The following CYTH3 variants were observed in gnomAD, a reference collection of about 807,000 sequenced individuals.
CYTH3 encodes the protein cytohesin-3.
Under a neutral mutation model 55.1 loss-of-function variants are expected in CYTH3, and 23 were observed. The ratio of observed to expected loss-of-function variants is 0.42; its 90% CI spans 0.30 to 0.59. The LOEUF (loss-of-function observed/expected upper bound fraction) is 0.59, where lower values mean the gene tolerates loss of function less well. CYTH3 is among the 20% of genes least tolerant of loss of function. The pLI is 0.20. For synonymous variants in CYTH3, 249 were observed against 194.9 expected (o/e 1.28, Z -2.31); for missense variants, 413 against 524.8 (o/e 0.79, Z 2.08).
chr7:6,191,305 A>C (rs1204996774), intron 1 of CYTH3, among the ~76,000 whole-genome samples: 3 of 152,016 alleles, frequency 2.0e-5, no homozygotes, highest in African/African-American at 7.2e-5. Context: ...ATAAATAAAT[A>C]AATAAATCAA....
In CYTH3 at chr7:6,164,794, T is replaced by G; in HGVS notation, c.*150A>C. ...GGACCCCAGCCACGGCACGAGGCCT[T>G]GGGGATACCACCTGGGCCACGGTAT... is the stretch of plus-strand genomic sequence containing the variant. On this transcript the variant is annotated 3_prime_UTR_variant, in exon 13 of 13. Coordinates refer to ENST00000350796, the MANE Select transcript of CYTH3 (RefSeq NM_004227.4). 8.1e-6 allele frequency: 7 copies of G among 863,346 alleles called. No individual in the cohort carries two copies. Among genetic ancestry groups the G allele is most frequent in the Non-Finnish European group, 1.3e-5 (7 of 531,320 alleles). 53.5% of individuals were successfully genotyped at this position (863,346 alleles called of 1,614,324 possible).
At position 6,165,021 on chromosome 7, in the gene CYTH3, T is replaced by C; in HGVS notation, c.1128-5A>G. 3 of 1,614,040 alleles carry C rather than the reference T, an allele frequency of 1.9e-6. No homozygotes were observed. Among genetic ancestry groups the C allele is most frequent in the Non-Finnish European group, 8.5e-7 (1 of 1,179,994 alleles). On this transcript the variant is annotated splice_polypyrimidine_tract_variant and splice_region_variant and intron_variant, in intron 12 of 12. Coordinates refer to ENST00000350796, the MANE Select transcript of CYTH3 (RefSeq NM_004227.4). ...GGATCTCTGCTGATACTGGCTCTGG[T>C]GAAAAAAGGAAAACACACAGGTTAG...
At chr7:6,191,325 C>T (rs754293537) in intron 1 of CYTH3, among the ~76,000 whole-genome samples, 5 of 152,040 alleles carry the variant, frequency 3.3e-5, no homozygotes, top group Admixed American at 2.6e-4. Context: ...ACATAGACAG[C>T]GCCCAGGAAA....
chr7:6,247,714 G>C (rs1404917592), intron 1 of CYTH3, among the ~76,000 whole-genome samples: 3 of 152,072 alleles, frequency 2.0e-5, no homozygotes, highest in African/African-American at 7.2e-5. Context: ...TACAATCACA[G>C]CTCACTGCAG....
intron 1 of CYTH3, among the ~76,000 whole-genome samples, chr7:6,239,656 G>C (rs1779621846): frequency 6.6e-6 from 1 of 152,130 alleles, no homozygotes; most frequent in African/African-American, 2.4e-5. Context: ...AAAACAGTAA[G>C]ATAATTTGCT....
At chr7:6,239,183 C>A (rs1033865052) in intron 1 of CYTH3, among the ~76,000 whole-genome samples, 1 of 152,176 alleles carries the variant, frequency 6.6e-6, no homozygotes, top group African/African-American at 2.4e-5. Flanking sequence ...CACTTTACTC[C>A]AGCCTGGGCA....
At position 6,240,095 on chromosome 7, in the gene CYTH3, C is replaced by A. The variant is rs572709955; in HGVS notation, c.34+32379G>T. 2.4e-3 allele frequency among the ~76,000 whole-genome samples: 360 copies of A among 152,120 alleles called. 2 individuals are homozygous for A. The highest frequency in any genetic ancestry group is 3.9e-3 in the Non-Finnish European group (266 of 68,006). Reference sequence around the variant, plus strand: ...CCAAGGCAGGTGGATCGCGTGAGGTCAGGAGTTCGAGACCAGCCTGGCCAA... The same window carrying A: ...CCAAGGCAGGTGGATCGCGTGAGGTAAGGAGTTCGAGACCAGCCTGGCCAA... On this transcript the variant is annotated intron_variant, in intron 1 of 12. Transcript: ENST00000350796.
At chr7:6,220,281 G>C (rs150738784) in intron 1 of CYTH3, among the ~76,000 whole-genome samples, 2,043 of 152,170 alleles carry the variant, frequency 0.013, 44 homozygotes, top group African/African-American at 0.047. Flanking sequence ...GCAGCAATTG[G>C]CTATTCATAG....
In CYTH3 at chr7:6,272,615, C is replaced by A. The variant is rs896049019; in HGVS notation, c.-108G>T. 4.6e-5 allele frequency: 40 copies of A among 863,434 alleles called. No individual in the cohort carries two copies. Among genetic ancestry groups the A allele is most frequent in the African/African-American group, 4.4e-4 (24 of 54,542 alleles). 53.5% of individuals were successfully genotyped at this position (863,434 alleles called of 1,614,324 possible). On this transcript the variant is annotated 5_prime_UTR_variant, in exon 1 of 13. Coordinates refer to ENST00000350796, the MANE Select transcript of CYTH3 (RefSeq NM_004227.4). ...CAGGCGACCGGGCGGCTCCTCAGCG[C>A]GCGGCCCGGGTCGCGGCCGGGCCTC... is the stretch of plus-strand genomic sequence containing the variant.
chr7:6,228,500 G>C (rs1195477814), intron 1 of CYTH3, among the ~76,000 whole-genome samples: 2 of 152,120 alleles, frequency 1.3e-5, no homozygotes, highest in Admixed American at 1.3e-4. Context: ...TAGGATTCAG[G>C]GGTCAGGCCA....
intron 1 of CYTH3, among the ~76,000 whole-genome samples, chr7:6,221,027 T>G (rs1202645680): frequency 6.6e-6 from 1 of 152,044 alleles, no homozygotes; most frequent in East Asian, 1.9e-4. Context: ...ACTTACCATG[T>G]GATCCAGCAA....
Position 6,162,350 on chromosome 7 carries a change from CTCTGTCTCTGGAAAAAAGTA to C in CYTH3, c.*2574_*2593del, listed in dbSNP as rs1260912233. On this transcript the variant is annotated 3_prime_UTR_variant, in exon 13 of 13. Coordinates refer to ENST00000350796, the MANE Select transcript of CYTH3 (RefSeq NM_004227.4). ...GGGGCTCCCCTCACTGCCTCCTGGC[CTCTGTCTCTGGAAAAAAGTA>C]TCTTTGGCCAGAGTTGGGACTAACA... 1 of 152,268 alleles carries C rather than the reference CTCTGTCTCTGGAAAAAAGTA, an allele frequency of 6.6e-6. No homozygotes were observed. Among genetic ancestry groups the C allele is most frequent in the African/African-American group, 2.4e-5 (1 of 41,476 alleles). 9.4% of individuals were successfully genotyped at this position (152,268 alleles called of 1,614,324 possible).
chr7:6,228,946 C>T (rs140097641), intron 1 of CYTH3, among the ~76,000 whole-genome samples: 206 of 152,254 alleles, frequency 1.4e-3, no homozygotes, highest in African/African-American at 4.7e-3. Flanking sequence ...ACTGTGCAAT[C>T]GCTGTCCGAG....
intron 1 of CYTH3, among the ~76,000 whole-genome samples, chr7:6,223,758 G>A (rs1220842314): frequency 2.1e-5 from 3 of 141,196 alleles, no homozygotes; most frequent in African/African-American, 8.0e-5. Flanking sequence ...TTTATCTGCT[G>A]ACCTTCTCTC....
intron 1 of CYTH3, among the ~76,000 whole-genome samples, chr7:6,191,292 AAAATAAAT>A (rs945896424): frequency 6.6e-6 from 1 of 152,042 alleles, no homozygotes; most frequent in East Asian, 1.9e-4. Flanking sequence ...TACAAAAATT[AAAATAAAT>A]AAATAAATAA....
At chr7:6,181,552 T>C (rs990836314) in intron 4 of CYTH3, among the ~76,000 whole-genome samples, 2 of 152,240 alleles carry the variant, frequency 1.3e-5, no homozygotes, top group African/African-American at 2.4e-5. Flanking sequence ...TGAATTCCTC[T>C]ATCCATGAGT....
chr7:6,249,304 G>A (rs1243490558), intron 1 of CYTH3, among the ~76,000 whole-genome samples: 1 of 152,200 alleles, frequency 6.6e-6, no homozygotes, highest in African/African-American at 2.4e-5. Context: ...ATGTTAAAAA[G>A]CTTTACTTGG....
intron 1 of CYTH3, among the ~76,000 whole-genome samples, chr7:6,209,389 C>G (rs1784272448): frequency 6.6e-6 from 1 of 152,230 alleles, no homozygotes; most frequent in South Asian, 2.1e-4. Flanking sequence ...GACATTGAGA[C>G]TTTCTACCCT....
In CYTH3 at chr7:6,165,700, TG is replaced by T. The variant is rs762354199; in HGVS notation, c.900+33del. 8.4e-5 allele frequency: 135 copies of T among 1,613,856 alleles called. 3 individuals are homozygous for T. In the South Asian group the frequency reaches 1.4e-3, roughly 17 times the overall value. ...GGCCCCAGGGCAGCTCCGGGACTGC[TG>T]GGAGGCGGCAAGGAGGCCTGGCCCT... On this transcript the variant is annotated intron_variant, in intron 10 of 12. Coordinates refer to ENST00000350796, the MANE Select transcript of CYTH3 (RefSeq NM_004227.4).
Sources: gnomAD v4.1 joint callset for allele counts (sites outside exome capture counted in the v4.1 genomes callset) on GRCh38, gnomAD v4.1.1 for gene constraint, MANE v1.5 for transcripts, NCBI Gene and HGNC (gene_info 2026-07-23, HGNC 2026-07-21) for gene names.